BRIP1: variants seen among roughly 807,000 people sequenced by gnomAD.
BRIP1 encodes the protein Fanconi anemia group J protein.
In BRIP1, 88 loss-of-function variants were observed where a neutral mutation model predicts 119.7. That is an observed-to-expected ratio of 0.74 (90% CI 0.62 to 0.88). The LOEUF is 0.88. Ranked by LOEUF, BRIP1 falls within the 40% of genes least tolerant of loss-of-function variation. The pLI, the probability that BRIP1 is intolerant of heterozygous loss-of-function variation, is 0.00. For synonymous variants in BRIP1, 443 were observed against 496.5 expected, an observed-to-expected ratio of 0.89 and a Z score of 1.43; for missense variants, 1,259 against 1,455.4, an observed-to-expected ratio of 0.87 and a Z score of 2.20.
rs368616564 is a variant in BRIP1, at chr17:61,834,867, G to A, written c.627+12234C>T. On this transcript the variant is annotated intron_variant, in intron 6 of 19. Coordinates refer to ENST00000259008, the MANE Select transcript of BRIP1 (RefSeq NM_032043.3). This position sits in a 1 kb window ranked among gnomAD's most constrained non-coding sequence, Gnocchi z 4.4. ...CAGTTGACCACAGACACATGAGTAG[G>A]CCACCTGAGATCAGCAGAAGAAATG... 6.6e-6 allele frequency among the ~76,000 whole-genome samples: 1 copy of A among 152,264 alleles called. No individual in the cohort carries two copies. The highest frequency in any genetic ancestry group is 2.4e-5 in the African/African-American group (1 of 41,550).
At chr17:61,766,502 C>T (rs1039922954) in intron 14 of BRIP1, among the ~76,000 whole-genome samples, 23 of 151,940 alleles carry the variant, frequency 1.5e-4, no homozygotes, top group Admixed American at 1.2e-3. Flanking sequence ...GCCTTCTACA[C>T]GAGGGGAAAA....
In BRIP1 at chr17:61,683,195, T is replaced by A. The variant is rs2061293347; in HGVS notation, c.*101A>T. ...CATTTCTGAACATAAAATAGTTTTT[T>A]AAAAAGTATGCCACTTATTCAATTT... is the stretch of plus-strand genomic sequence containing the variant. On this transcript the variant is annotated 3_prime_UTR_variant, in exon 20 of 20. Coordinates refer to ENST00000259008, the MANE Select transcript of BRIP1 (RefSeq NM_032043.3). The surrounding 1 kb of genome is among the most constrained non-coding windows in gnomAD (Gnocchi z 4.7). The A allele has an allele frequency of 1.5e-6, 2 of 1,354,154 alleles. No homozygotes were observed. Among genetic ancestry groups the A allele is most frequent in the Admixed American group, 4.4e-5 (2 of 45,832 alleles). 83.9% of individuals were successfully genotyped at this position (1,354,154 alleles called of 1,614,324 possible).
chr17:61,713,656 G>T lies in BRIP1; in HGVS notation c.2492+2295C>A, dbSNP rs879711401. On this transcript the variant is annotated intron_variant, in intron 17 of 19. Transcript: ENST00000259008. The surrounding 1 kb of genome is among the most constrained non-coding windows in gnomAD (Gnocchi z 4.9). The stretch of plus-strand genomic sequence containing the variant: ...CCTGCCCCAGCCTCCCAAGTAGCTG[G>T]GATTATAGGCACCTGCCACCACATC... 9.2e-5 allele frequency among the ~76,000 whole-genome samples: 14 copies of T among 151,752 alleles called. No homozygotes were observed. The highest frequency in any genetic ancestry group is 1.8e-4 in the Non-Finnish European group (12 of 67,990).
rs876659650 is a variant in BRIP1 at position 61,808,592 on chromosome 17, T to C, written c.793A>G (p.Arg265Gly). 2 of 1,614,000 alleles carry C rather than the reference T, an allele frequency of 1.2e-6. No individual in the cohort carries two copies. Among genetic ancestry groups the C allele is most frequent in the South Asian group, 2.2e-5 (2 of 91,086 alleles). Residue 265 changes from arginine (R) to glycine (G), a missense_variant, in exon 7 of 20, where the codon AGG (arginine) becomes GGG (glycine). Arg to Gly is a moderately radical substitution (Grantham distance 125). Transcript: ENST00000259008. The surrounding 1 kb of genome is among the most constrained non-coding windows in gnomAD (Gnocchi z 4.1). ...ATTGGAACCCCTGAATATGCCGTCC[T>C]CCGGAGCTCTCTAGTAATCTGAGCA... ...QIAQITRELR[R>G]TAYSGVPMTI...
At chr17:61,719,076 A>G (rs1162609009) in intron 16 of BRIP1, among the ~76,000 whole-genome samples, 1 of 152,142 alleles carries the variant, frequency 6.6e-6, no homozygotes, top group Non-Finnish European at 1.5e-5. Context: ...TGCAGAACCC[A>G]TAAATACAGA....
chr17:61,861,784 C>T lies in BRIP1; in HGVS notation c.-30-215G>A. ...ATCTAGATTTGTATCCTTCACTCTGCCAGGTATTAGTTGTGTGACTTCGGG... is the reference window on the plus strand; with the variant it reads ...ATCTAGATTTGTATCCTTCACTCTGTCAGGTATTAGTTGTGTGACTTCGGG... On this transcript the variant is annotated intron_variant, in intron 1 of 19. Coordinates refer to ENST00000259008, the MANE Select transcript of BRIP1 (RefSeq NM_032043.3). This position sits in a 1 kb window ranked among gnomAD's most constrained non-coding sequence, Gnocchi z 4.5. 1.8e-6 allele frequency: 1 copy of T among 560,214 alleles called. No homozygotes were observed. 34.7% of individuals were successfully genotyped at this position (560,214 alleles called of 1,614,324 possible).
chr17:61,685,638 A>G (rs2061349090), intron 19 of BRIP1, 198 bp downstream of exon 19: 4 of 579,848 alleles, frequency 6.9e-6, no homozygotes, highest in Non-Finnish European at 1.2e-5. Flanking sequence ...TTAGTGGAAA[A>G]CCAGAAAATA....
intron 17 of BRIP1, among the ~76,000 whole-genome samples, chr17:61,698,821 T>A (rs1380036897): frequency 6.6e-6 from 1 of 152,014 alleles, no homozygotes; most frequent in African/African-American, 2.4e-5. Context: ...CTCAGGTGAT[T>A]CTCCCACATC....
In BRIP1 at chr17:61,717,892, A is replaced by G. The variant is rs556235476; in HGVS notation, c.2380-1829T>C. Among the ~76,000 whole-genome samples, 5 of 152,220 alleles carry G rather than the reference A, an allele frequency of 3.3e-5. No individual in the cohort carries two copies. Among genetic ancestry groups the G allele is most frequent in the Non-Finnish European group, 7.4e-5 (5 of 68,004 alleles). On this transcript the variant is annotated intron_variant, in intron 16 of 19. Coordinates refer to ENST00000259008, the MANE Select transcript of BRIP1 (RefSeq NM_032043.3). The surrounding 1 kb of genome is among the most constrained non-coding windows in gnomAD (Gnocchi z 4.1). The stretch of plus-strand genomic sequence containing the variant: ...TCATTTTGGATAATTTTTATTTATA[A>G]GATTTCAAGTTCACCAAATTTTCCT...
intron 6 of BRIP1, among the ~76,000 whole-genome samples, chr17:61,818,158 G>A (rs539316036): frequency 5.4e-4 from 76 of 139,998 alleles, no homozygotes; most frequent in African/African-American, 2.0e-3. Context: ...TTCGAGACCA[G>A]CCTGGGCAAC....
rs1168663957 is a variant in BRIP1 at position 61,726,325 on chromosome 17, G to C, written c.2380-10262C>G. ...TGAAACAGTAAAGCATCAGATACTA[G>C]AGGTAAGTGGACGAGAAAGTCATTA... On this transcript the variant is annotated intron_variant, in intron 16 of 19. Transcript: ENST00000259008. This position sits in a 1 kb window ranked among gnomAD's most constrained non-coding sequence, Gnocchi z 6.2. Among the ~76,000 whole-genome samples the C allele has an allele frequency of 1.3e-5, 2 of 152,184 alleles. No homozygotes were observed. Among genetic ancestry groups the C allele is most frequent in the African/African-American group, 4.8e-5 (2 of 41,438 alleles).
In BRIP1 at chr17:61,828,159, T is replaced by TC. The variant is rs1308942590; in HGVS notation, c.627+18941dup. The stretch of plus-strand genomic sequence containing the variant: ...CAAAAAGATGGAAACAACCCAGATG[T>TC]CCACTGGCAGATGAACGGACAAACA... On this transcript the variant is annotated intron_variant, in intron 6 of 19. Transcript: ENST00000259008. This position sits in a 1 kb window ranked among gnomAD's most constrained non-coding sequence, Gnocchi z 4.1. Among the ~76,000 whole-genome samples, 1 of 152,146 alleles carries TC rather than the reference T, an allele frequency of 6.6e-6. No homozygotes were observed. Among genetic ancestry groups the TC allele is most frequent in the African/African-American group, 2.4e-5 (1 of 41,428 alleles).
rs1287115301 is a variant in BRIP1 at position 61,767,272 on chromosome 17, T to G, written c.2097+9129A>C. Among the ~76,000 whole-genome samples, 2 of 151,956 alleles carry G rather than the reference T, an allele frequency of 1.3e-5. No individual in the cohort carries two copies. Among genetic ancestry groups the G allele is most frequent in the African/African-American group, 2.4e-5 (1 of 41,360 alleles). Reference sequence around the variant, plus strand: ...CACTAAAATGTATGGTTTGAAAAACTTTAGACATATATTTTTCTTTTTTAG... The same window carrying G: ...CACTAAAATGTATGGTTTGAAAAACGTTAGACATATATTTTTCTTTTTTAG... On this transcript the variant is annotated intron_variant, in intron 14 of 19. Transcript: ENST00000259008. This position sits in a 1 kb window ranked among gnomAD's most constrained non-coding sequence, Gnocchi z 5.7.
At position 61,708,471 on chromosome 17, in the gene BRIP1, A is replaced by G. The variant is rs187555150; in HGVS notation, c.2492+7480T>C. On this transcript the variant is annotated intron_variant, in intron 17 of 19. Coordinates refer to ENST00000259008, the MANE Select transcript of BRIP1 (RefSeq NM_032043.3). The surrounding 1 kb of genome is among the most constrained non-coding windows in gnomAD (Gnocchi z 4.4). ...ATCCATGGTTTCAGGCATTTAGTGG[A>G]GGTTGTGGAATCTATCTTCTGTGGA... is the stretch of plus-strand genomic sequence containing the variant. Among the ~76,000 whole-genome samples, 2 of 152,260 alleles carry G rather than the reference A, an allele frequency of 1.3e-5. No homozygotes were observed. The highest frequency in any genetic ancestry group is 2.9e-5 in the Non-Finnish European group (2 of 68,012).
rs1317680188 is a variant in BRIP1, at chr17:61,857,214, C to T, written c.223G>A (p.Gly75Ser). The T allele has an allele frequency of 6.2e-7, 1 of 1,613,704 alleles. No homozygotes were observed. Among genetic ancestry groups the T allele is most frequent in the Non-Finnish European group, 8.5e-7 (1 of 1,179,730 alleles). ...TGTACTTCAGCTTTTTCACTTACGC[C>T]CTCATCTGCTGGTTTCCCTAAAAAT... Reference protein sequence around the residue: ...QSLSGKPADEGVSEKAEVQLS... With the variant: ...QSLSGKPADESVSEKAEVQLS... Residue 75 changes from glycine to serine, a missense_variant, in exon 4 of 20, where the codon GGC (glycine) becomes AGC (serine). By Grantham distance (56) the Gly-to-Ser change is moderately conservative. This residue lies in a region of BRIP1 where 501 missense variants were observed against 544.0 expected (regional missense o/e 0.92). Transcript: ENST00000259008. This position sits in a 1 kb window ranked among gnomAD's most constrained non-coding sequence, Gnocchi z 5.1.
intron 16 of BRIP1, among the ~76,000 whole-genome samples, chr17:61,733,313 C>A (rs2076874986): frequency 6.6e-6 from 1 of 152,084 alleles, no homozygotes; most frequent in South Asian, 2.1e-4. Context: ...ATCACTTGAG[C>A]CCAGGACCAG....
At position 61,798,767 on chromosome 17, in the gene BRIP1, T is replaced by C. The variant is rs2077940121; in HGVS notation, c.1340+333A>G. On this transcript the variant is annotated intron_variant, in intron 9 of 19. Coordinates refer to ENST00000259008, the MANE Select transcript of BRIP1 (RefSeq NM_032043.3). The surrounding 1 kb of genome is among the most constrained non-coding windows in gnomAD (Gnocchi z 5.5). Reference sequence around the variant, plus strand: ...AGAATAAAGCAATAAATTAAAGCCATGATCCAGAATTTTAAAATATATTAA... The same window carrying C: ...AGAATAAAGCAATAAATTAAAGCCACGATCCAGAATTTTAAAATATATTAA... Among the ~76,000 whole-genome samples the C allele has an allele frequency of 6.6e-6, 1 of 152,208 alleles. No individual in the cohort carries two copies. The highest frequency in any genetic ancestry group is 1.5e-5 in the Non-Finnish European group (1 of 67,974).
At chr17:61,737,381 T>C (rs535425406) in intron 16 of BRIP1, among the ~76,000 whole-genome samples, 1 of 152,076 alleles carries the variant, frequency 6.6e-6, no homozygotes, top group East Asian at 1.9e-4. Flanking sequence ...CATAGAAAAA[T>C]TTACTCAAGA....
In BRIP1 at chr17:61,683,635, A is replaced by G. The variant is rs4986763; in HGVS notation, c.3411T>C (p.Tyr1137=). 0.59 allele frequency: 955,857 copies of G among 1,612,072 alleles called. 287,326 individuals are homozygous for G. The highest frequency in any genetic ancestry group is 0.77 in the Admixed American group (46,308 of 59,998). The change falls in exon 20 of 20, where the codon TAT becomes TAC. Residue 1137 remains tyrosine, a synonymous_variant. Coordinates refer to ENST00000259008, the MANE Select transcript of BRIP1 (RefSeq NM_032043.3). The surrounding 1 kb of genome is among the most constrained non-coding windows in gnomAD (Gnocchi z 4.7). ...DESIYFTPEL[Y]DPEDTDEEKN... ...TTTCTTCATCTGTATCTTCAGGATC[A>G]TAAAGTTCAGGTGTAAAATAGATAG...
Sources: allele counts gnomAD v4.1 joint callset (sites outside exome capture counted in the v4.1 genomes callset), GRCh38; gene constraint gnomAD v4.1.1; regional missense constraint gnomAD v4.1.1; non-coding constraint Gnocchi (gnomAD v3.1); transcripts MANE v1.5; gene names NCBI Gene and HGNC (gene_info 2026-07-23, HGNC 2026-07-21).